ALCAM: variants seen among roughly 807,000 people sequenced by gnomAD.
ALCAM encodes the protein CD166 antigen.
In ALCAM, 30 loss-of-function variants were observed where a neutral mutation model predicts 70.9. The ratio of observed to expected loss-of-function variants is 0.42; its 90% confidence interval spans 0.32 to 0.57. The LOEUF (loss-of-function observed/expected upper bound fraction) is 0.57, where lower values mean the gene tolerates loss of function less well. Among genes scored for constraint, ALCAM ranks in the 20% least tolerant of loss-of-function variants. The probability of loss-of-function intolerance (pLI) is 0.11; values close to 1 mark genes in which losing one functional copy is unlikely to be tolerated. For synonymous variants in ALCAM, 249 were observed against 242.5 expected (o/e 1.03, Z -0.25); for missense variants, 591 against 695.1 (o/e 0.85, Z 1.68).
intron 14 of ALCAM, among the ~76,000 whole-genome samples, chr3:105,563,845 GC>G (rs1201149382): frequency 6.7e-6 from 1 of 148,870 alleles, no homozygotes; most frequent in Non-Finnish European, 1.5e-5. Flanking sequence ...CCGCCACCGC[GC>G]CCGGCTAATT....
chr3:105,540,512 G>A (rs1301480704), intron 7 of ALCAM, among the ~76,000 whole-genome samples: 2 of 151,952 alleles, frequency 1.3e-5, no homozygotes, highest in East Asian at 1.9e-4. Flanking sequence ...TCTGTTGCAC[G>A]TTATATTTAG....
intron 14 of ALCAM, among the ~76,000 whole-genome samples, chr3:105,571,273 C>G (rs1940856024): frequency 6.6e-6 from 1 of 152,176 alleles, no homozygotes; most frequent in African/African-American, 2.4e-5. Context: ...GCTGATACTG[C>G]TGGTCTGGGG....
intron 1 of ALCAM, among the ~76,000 whole-genome samples, chr3:105,486,812 T>C (rs1265211011): frequency 6.6e-6 from 1 of 152,170 alleles, no homozygotes; most frequent in Non-Finnish European, 1.5e-5. Context: ...TTTCCATTTA[T>C]CTTTCAACAG....
intron 1 of ALCAM, among the ~76,000 whole-genome samples, chr3:105,517,318 C>T (rs1233634833): frequency 6.6e-6 from 1 of 152,068 alleles, no homozygotes; most frequent in Admixed American, 6.6e-5. Flanking sequence ...TGCCATCCAA[C>T]TTACTGCCAC....
Position 105,368,476 on chromosome 3 carries a change from AG to A in ALCAM, c.73+996del, listed in dbSNP as rs562598882. 2.4e-3 allele frequency among the ~76,000 whole-genome samples: 357 copies of A among 151,556 alleles called. 4 individuals carry two copies. Among genetic ancestry groups the A allele is most frequent in the African/African-American group, 8.1e-3 (336 of 41,262 alleles). On this transcript the variant is annotated intron_variant, in intron 1 of 15. Coordinates refer to ENST00000306107, the MANE Select transcript of ALCAM (RefSeq NM_001627.4). ...ATTTAGGGGATTTTTTTTTCTTTGA[AG>A]TTTTTTTTTTCTATCCCTGCGTAGA...
intron 1 of ALCAM, among the ~76,000 whole-genome samples, chr3:105,445,661 G>T (rs532457051): frequency 2.0e-5 from 3 of 152,094 alleles, no homozygotes; most frequent in Admixed American, 2.0e-4. Context: ...GAATAGAGAA[G>T]ATATAAATAA....
intron 3 of ALCAM, 90 bp downstream of exon 3, chr3:105,524,598 G>A (rs1011262093): frequency 3.4e-5 from 53 of 1,565,140 alleles, no homozygotes; most frequent in Middle Eastern, 3.4e-4. Context: ...ACTCTCTGTA[G>A]TGTCTCTATA....
In ALCAM at chr3:105,547,542, G is replaced by T; in HGVS notation, c.1374+19G>T. ...AAACCAAGCAAGTATTTGTCTTCTTGTTATATGCTGCACTTCGTCCAATGC... is the reference window on the plus strand; with the variant it reads ...AAACCAAGCAAGTATTTGTCTTCTTTTTATATGCTGCACTTCGTCCAATGC... On this transcript the variant is annotated intron_variant, in intron 11 of 15. Transcript: ENST00000306107. 3.1e-6 allele frequency: 5 copies of T among 1,603,952 alleles called. No individual in the cohort carries two copies. The highest frequency in any genetic ancestry group is 4.3e-6 in the Non-Finnish European group (5 of 1,175,296).
At chr3:105,514,425 A>T (rs764328524) in intron 1 of ALCAM, among the ~76,000 whole-genome samples, 1 of 151,968 alleles carries the variant, frequency 6.6e-6, no homozygotes, top group Admixed American at 6.6e-5. Flanking sequence ...AGATCATTTC[A>T]TGCTTGTAGA....
intron 1 of ALCAM, among the ~76,000 whole-genome samples, chr3:105,370,122 T>G (rs1935189027): frequency 1.3e-5 from 2 of 152,220 alleles, no homozygotes; most frequent in African/African-American, 4.8e-5. Context: ...AGATTCATTC[T>G]AAGACATAAG....
At chr3:105,492,979 A>T (rs1938629793) in intron 1 of ALCAM, among the ~76,000 whole-genome samples, 1 of 152,074 alleles carries the variant, frequency 6.6e-6, no homozygotes, top group Non-Finnish European at 1.5e-5. Flanking sequence ...GATTTTTTTC[A>T]TTTTCTCAGT....
At chr3:105,531,669 A>C (rs1939842627) in intron 3 of ALCAM, among the ~76,000 whole-genome samples, 1 of 151,944 alleles carries the variant, frequency 6.6e-6, no homozygotes, top group Non-Finnish European at 1.5e-5. Context: ...AGAAGTGCTC[A>C]TGGTAATCAA....
At chr3:105,572,903 T>G (rs1017595132) in intron 15 of ALCAM, among the ~76,000 whole-genome samples, 3 of 152,240 alleles carry the variant, frequency 2.0e-5, no homozygotes, top group African/African-American at 4.8e-5. Flanking sequence ...ATTTTATATT[T>G]TAATGCAAAA....
At chr3:105,369,770 C>T (rs1230486105) in intron 1 of ALCAM, among the ~76,000 whole-genome samples, 1 of 152,014 alleles carries the variant, frequency 6.6e-6, no homozygotes, top group African/African-American at 2.4e-5. Flanking sequence ...ACTGCTTCCC[C>T]GGGTCTTTCG....
Position 105,524,672 on chromosome 3 carries a change from GAA to G in ALCAM, c.394+167_394+168del, listed in dbSNP as rs1939650609. The G allele has an allele frequency of 3.0e-6, 4 of 1,331,080 alleles. No homozygotes were observed. In the East Asian group the frequency reaches 1.1e-4, roughly 35 times the overall value. 82.5% of individuals were successfully genotyped at this position (1,331,080 alleles called of 1,614,324 possible). On this transcript the variant is annotated intron_variant, in intron 3 of 15. Transcript: ENST00000306107. The stretch of plus-strand genomic sequence containing the variant: ...TCTGCTCATATATACTATCAGCAAA[GAA>G]AACAAAGAGTATGAAATTCAAATAG...
At chr3:105,414,134 C>T (rs986560780) in intron 1 of ALCAM, among the ~76,000 whole-genome samples, 1 of 151,864 alleles carries the variant, frequency 6.6e-6, no homozygotes, top group Admixed American at 6.6e-5. Context: ...TGCAGTGGCT[C>T]ATACCTGTAT....
intron 6 of ALCAM, among the ~76,000 whole-genome samples, chr3:105,539,005 C>T (rs550633677): frequency 3.6e-4 from 55 of 152,134 alleles, no homozygotes; most frequent in Middle Eastern, 3.4e-3. Context: ...ATAACTTACT[C>T]ATTTCACTTG....
intron 14 of ALCAM, among the ~76,000 whole-genome samples, chr3:105,562,570 C>T (rs939616256): frequency 6.6e-6 from 1 of 152,024 alleles, no homozygotes; most frequent in East Asian, 1.9e-4. Flanking sequence ...TGTCTATGTT[C>T]ATGAGGAATA....
intron 1 of ALCAM, among the ~76,000 whole-genome samples, chr3:105,433,719 TGTCCCACCAA>T (rs1164894477): frequency 6.7e-6 from 1 of 149,826 alleles, no homozygotes; most frequent in Non-Finnish European, 1.5e-5. Context: ...CTTATTTCAT[TGTCCCACCAA>T]GGGGGATATA....
Sources: allele counts gnomAD v4.1 joint callset (sites outside exome capture counted in the v4.1 genomes callset), GRCh38; gene constraint gnomAD v4.1.1; transcripts MANE v1.5; gene names NCBI Gene and HGNC (gene_info 2026-07-23, HGNC 2026-07-21).